KANK1: variants seen among roughly 807,000 people sequenced by gnomAD.
The protein encoded by KANK1 is KN motif and ankyrin repeat domain-containing protein 1.
In KANK1, 109 loss-of-function variants were observed where a neutral mutation model predicts 106.2. The observed-to-expected ratio is 1.03, with a 90% CI of 0.88 to 1.20. KANK1 has a LOEUF of 1.20. Among genes scored for constraint, KANK1 ranks in the 50% most tolerant of loss-of-function variants. The pLI, the probability that KANK1 is intolerant of heterozygous loss-of-function variation, is 0.00. For missense variants in KANK1, 2,399 were observed against 1,710.7 expected (o/e 1.40, Z -7.10); for synonymous variants, 873 against 652.2 (o/e 1.34, Z -5.16).
chr9:745,093 C>A, intron 11 of KANK1, 80 bp from the exon 12 acceptor site: 1 of 1,564,632 alleles, frequency 6.4e-7, no homozygotes, highest in Admixed American at 1.9e-5. Flanking sequence ...CTGTGGTGGG[C>A]CAAGATCCTA....
intron 1 of KANK1, among the ~76,000 whole-genome samples, chr9:535,891 A>G (rs1256009132): frequency 6.6e-6 from 1 of 152,182 alleles, no homozygotes; most frequent in Non-Finnish European, 1.5e-5. Context: ...CTTTCCTACC[A>G]TGTTCCTCAA....
At chr9:518,975 C>G (rs1001516754) in intron 1 of KANK1, among the ~76,000 whole-genome samples, 4 of 151,498 alleles carry the variant, frequency 2.6e-5, no homozygotes, top group Non-Finnish European at 5.9e-5. Flanking sequence ...ACCGCAAACT[C>G]CCCCTTCCAG....
chr9:569,846 C>G (rs989947602), intron 1 of KANK1, among the ~76,000 whole-genome samples: 1 of 149,656 alleles, frequency 6.7e-6, no homozygotes, highest in Admixed American at 6.6e-5. Flanking sequence ...TTTCTCATTT[C>G]AATATGTAGT....
chr9:527,661 T>C (rs1407940219), intron 1 of KANK1, among the ~76,000 whole-genome samples: 2 of 151,372 alleles, frequency 1.3e-5, no homozygotes, highest in South Asian at 2.1e-4. Context: ...ACAAGGGAGA[T>C]AGTCTCCTTG....
intron 1 of KANK1, among the ~76,000 whole-genome samples, chr9:547,835 G>A (rs1384506669): frequency 1.3e-5 from 2 of 152,152 alleles, no homozygotes; most frequent in Non-Finnish European, 2.9e-5. Flanking sequence ...GGAAGGTGGT[G>A]GTGGACAAAA....
intron 1 of KANK1, among the ~76,000 whole-genome samples, chr9:593,207 C>T (rs1412767442): frequency 1.3e-5 from 2 of 151,752 alleles, no homozygotes; most frequent in Non-Finnish European, 2.9e-5. Flanking sequence ...ACCATGTGTT[C>T]CAGTTTTTGG....
chr9:731,205 G>A lies in KANK1; in HGVS notation c.2944G>A (p.Asp982Asn). 1 of 1,612,576 alleles carries A rather than the reference G, an allele frequency of 6.2e-7. No homozygotes were observed. The highest frequency in any genetic ancestry group is 8.5e-7 in the Non-Finnish European group (1 of 1,178,822). The stretch of plus-strand genomic sequence containing the variant: ...ACTGAAGTCCATCATGAAGAAGAAA[G>A]ATGGTAACAAAGATTCAAATGGCGC... ...STLKSIMKKK[D>N]GNKDSNGAKK... Residue 982 changes from aspartate (D) to asparagine (N), a missense_variant, in exon 5 of 12, where the codon GAT (aspartate) becomes AAT (asparagine). Physicochemically the swap from Asp to Asn is conservative, Grantham distance 23. Coordinates refer to ENST00000382297, the MANE Select transcript of KANK1 (RefSeq NM_015158.5).
At chr9:709,101 A>G (rs1251713694) in intron 2 of KANK1, among the ~76,000 whole-genome samples, 2 of 152,202 alleles carry the variant, frequency 1.3e-5, no homozygotes, top group Middle Eastern at 3.2e-3. Flanking sequence ...AACTCATGAC[A>G]ATACAAAACA....
At chr9:690,822 A>G (rs1421849874) in intron 2 of KANK1, among the ~76,000 whole-genome samples, 3 of 152,134 alleles carry the variant, frequency 2.0e-5, no homozygotes. Context: ...AGGGATAAAG[A>G]CTGTGCTGGT....
rs35143391 is a variant in KANK1, at chr9:521,565, CTTTTTTTTT to C, written c.-84+16822_-84+16830del. Among the ~76,000 whole-genome samples the C allele has an allele frequency of 7.6e-5, 9 of 118,802 alleles. 2 individuals are homozygous for C. The highest frequency in any genetic ancestry group is 2.9e-4 in the African/African-American group (9 of 30,782). The allele number at this position is 118,802 out of a possible 152,430, so 77.9% of individuals were successfully genotyped here. ...CTCTACTTTCTTTTCCCTCCAGATT[CTTTTTTTTT>C]TTTTTTTTTTGGAGACAGAGTTTTG... On this transcript the variant is annotated intron_variant, in intron 1 of 11. Transcript: ENST00000382297.
At chr9:486,933 AGAT>A (rs1217888524) in intron 3 of KANK1, among the ~76,000 whole-genome samples, 7 of 152,250 alleles carry the variant, frequency 4.6e-5, no homozygotes, top group Non-Finnish European at 1.0e-4. Context: ...GTAAAAAACT[AGAT>A]GACTGCTCTG....
chr9:690,062 T>C (rs1207496463), intron 2 of KANK1, among the ~76,000 whole-genome samples: 50 of 141,790 alleles, frequency 3.5e-4, no homozygotes, highest in African/African-American at 1.3e-3. Flanking sequence ...CTGAGGTGGG[T>C]GGATCACCTG....
intron 3 of KANK1, among the ~76,000 whole-genome samples, chr9:723,768 G>A (rs1393367197): frequency 2.0e-5 from 3 of 152,054 alleles, no homozygotes; most frequent in African/African-American, 7.2e-5. Flanking sequence ...CTGGAATTCT[G>A]ATGCAAACAC....
intron 2 of KANK1, among the ~76,000 whole-genome samples, chr9:678,516 G>T (rs368968528): frequency 6.6e-5 from 10 of 152,176 alleles, no homozygotes; most frequent in African/African-American, 2.4e-4. Flanking sequence ...ATCACCCAAG[G>T]TCGGTAGTTC....
At chr9:669,457 C>T (rs532351710) in intron 1 of KANK1, among the ~76,000 whole-genome samples, 1 of 152,248 alleles carries the variant, frequency 6.6e-6, no homozygotes, top group African/African-American at 2.4e-5. Context: ...CTCCTTCATA[C>T]TTGAAGGATA....
At chr9:654,111 T>A (rs781666989) in intron 1 of KANK1, among the ~76,000 whole-genome samples, 1 of 152,142 alleles carries the variant, frequency 6.6e-6, no homozygotes, top group African/African-American at 2.4e-5. Flanking sequence ...CGTTTTTACT[T>A]AAAAGATGTA....
At chr9:576,696 T>C (rs1820648458) in intron 1 of KANK1, among the ~76,000 whole-genome samples, 1 of 152,138 alleles carries the variant, frequency 6.6e-6, no homozygotes, top group Non-Finnish European at 1.5e-5. Flanking sequence ...ATCTTGAACT[T>C]GGTGCTTCTT....
At chr9:501,925 A>G (rs2058561476), upstream of KANK1, among the ~76,000 whole-genome samples, 1 of 152,200 alleles carries the variant, frequency 6.6e-6, no homozygotes, top group South Asian at 2.1e-4. Context: ...ATTTCAAGAA[A>G]TGTTTCACTT....
intron 1 of KANK1, among the ~76,000 whole-genome samples, chr9:531,119 G>T (rs2060035548): frequency 6.6e-6 from 1 of 152,036 alleles, no homozygotes; most frequent in Admixed American, 6.6e-5. Flanking sequence ...CAATGAGGGG[G>T]AAACAGATGC....
Sources: gnomAD v4.1 joint callset for allele counts (sites outside exome capture counted in the v4.1 genomes callset) on GRCh38, gnomAD v4.1.1 for gene constraint, MANE v1.5 for transcripts, NCBI Gene and HGNC (gene_info 2026-07-23, HGNC 2026-07-21) for gene names.